ACVR1: variants seen among roughly 807,000 people sequenced by gnomAD.
ACVR1 encodes the protein activin A receptor type 1, also known as activin receptor type-1.
A neutral mutation model predicts 57.1 loss-of-function variants in ACVR1; 38 were observed. That is an observed-to-expected ratio of 0.67 (90% CI 0.51 to 0.87). ACVR1 has a LOEUF of 0.87. ACVR1 is among the 40% of genes least tolerant of loss of function. The pLI, the probability that ACVR1 is intolerant of heterozygous loss-of-function variation, is 0.00. For missense variants in ACVR1, 463 were observed against 638.2 expected (o/e 0.73, Z 2.96); for synonymous variants, 212 against 228.1 (o/e 0.93, Z 0.63).
chr2:157,784,309 C>T (rs941720824), intron 3 of ACVR1, among the ~76,000 whole-genome samples: 2 of 152,106 alleles, frequency 1.3e-5, no homozygotes, highest in South Asian at 4.2e-4. Context: ...CAAGGAACAC[C>T]AAGGAACAGA....
At chr2:157,804,853 T>C (rs1687460932) in intron 2 of ACVR1, among the ~76,000 whole-genome samples, 1 of 152,226 alleles carries the variant, frequency 6.6e-6, no homozygotes, top group Non-Finnish European at 1.5e-5. Flanking sequence ...CCCATGTTAC[T>C]TTTCAAATTC....
At chr2:157,762,264 T>A (rs1001650736) in intron 8 of ACVR1, among the ~76,000 whole-genome samples, 2 of 152,258 alleles carry the variant, frequency 1.3e-5, no homozygotes, top group African/African-American at 4.8e-5. Flanking sequence ...AGAGATACCA[T>A]ATTCACATAA....
At chr2:157,827,676 T>A (rs1398416474) in intron 1 of ACVR1, among the ~76,000 whole-genome samples, 1 of 152,196 alleles carries the variant, frequency 6.6e-6, no homozygotes, top group Non-Finnish European at 1.5e-5. Flanking sequence ...GTCAAGAATT[T>A]AGGCAACTCT....
In ACVR1 at chr2:157,867,306, C is replaced by A. The variant is rs528412548; in HGVS notation, c.-183+8490G>T. Among the ~76,000 whole-genome samples the A allele has an allele frequency of 7.9e-5, 12 of 152,362 alleles. No individual in the cohort carries two copies. The South Asian group carries it at 2.5e-3, about 32-fold the overall frequency. On this transcript the variant is annotated intron_variant, in intron 1 of 10. Coordinates refer to ENST00000434821, the MANE Select transcript of ACVR1 (RefSeq NM_001111067.4). ...ATCTATTCTCATTTCCTCCTGGCTT[C>A]TGGGCATCCCACTCCACTAGACCAA... is the stretch of plus-strand genomic sequence containing the variant.
intron 3 of ACVR1, among the ~76,000 whole-genome samples, chr2:157,781,770 T>A (rs1454803014): frequency 6.6e-6 from 1 of 152,228 alleles, no homozygotes; most frequent in Non-Finnish European, 1.5e-5. Context: ...TCTCTTCCCT[T>A]GTCAGTATGA....
chr2:157,826,070 A>G (rs1688337149), intron 1 of ACVR1, among the ~76,000 whole-genome samples: 1 of 152,224 alleles, frequency 6.6e-6, no homozygotes, highest in Non-Finnish European at 1.5e-5. Context: ...ATACTCACAC[A>G]TAAGACTATA....
intron 2 of ACVR1, among the ~76,000 whole-genome samples, chr2:157,805,820 CT>C (rs1222482675): frequency 7.3e-4 from 22 of 30,182 alleles, no homozygotes; most frequent in Non-Finnish European, 1.3e-3. Context: ...TTTCTTTTTT[CT>C]TTTTTTTTTT....
Position 157,773,495 on chromosome 2 carries a change from G to A in ACVR1, c.643+593C>T, listed in dbSNP as rs189480512. Among the ~76,000 whole-genome samples the A allele has an allele frequency of 9.2e-5, 14 of 152,242 alleles. No individual in the cohort carries two copies. The East Asian group carries it at 2.3e-3, about 25-fold the overall frequency. On this transcript the variant is annotated intron_variant, in intron 6 of 10. Coordinates refer to ENST00000434821, the MANE Select transcript of ACVR1 (RefSeq NM_001111067.4). ...TGTGATGTGTACAAACACATGAAAT[G>A]TTTATGAGCTTAAAACTGAAAAAAG... is the stretch of plus-strand genomic sequence containing the variant.
intron 9 of ACVR1, among the ~76,000 whole-genome samples, chr2:157,746,633 C>G (rs1684976263): frequency 6.6e-6 from 1 of 152,258 alleles, no homozygotes; most frequent in African/African-American, 2.4e-5. Context: ...CTCGGCATCA[C>G]ATTTTCTTAC....
chr2:157,823,276 A>T (rs1298200265), intron 1 of ACVR1, among the ~76,000 whole-genome samples: 1 of 152,180 alleles, frequency 6.6e-6, no homozygotes, highest in Non-Finnish European at 1.5e-5. Context: ...TCACAGGAGG[A>T]TTATAACACT....
intron 3 of ACVR1, among the ~76,000 whole-genome samples, chr2:157,798,000 C>T (rs996629514): frequency 9.2e-5 from 14 of 152,208 alleles, no homozygotes; most frequent in Admixed American, 2.0e-4. Context: ...GCACCTTGAA[C>T]TTAGACTTCC....
chr2:157,846,755 T>C (rs1426987168), intron 1 of ACVR1, among the ~76,000 whole-genome samples: 1 of 152,208 alleles, frequency 6.6e-6, no homozygotes, highest in Admixed American at 6.5e-5. Flanking sequence ...AGCTGTATAC[T>C]TTAGATTTGT....
At chr2:157,771,433 T>C (rs1219422449) in intron 6 of ACVR1, among the ~76,000 whole-genome samples, 1 of 151,996 alleles carries the variant, frequency 6.6e-6, no homozygotes, top group Non-Finnish European at 1.5e-5. Context: ...TAGGTAGGGG[T>C]GATCAGGGAG....
At chr2:157,757,027 T>TATATATATATTTG (rs1374864957) in intron 9 of ACVR1, among the ~76,000 whole-genome samples, 1 of 125,850 alleles carries the variant, frequency 7.9e-6, no homozygotes, top group African/African-American at 3.7e-5. Flanking sequence ...ATTTGATATA[T>TATATATATATTTG]ATATATATAT....
intron 2 of ACVR1, among the ~76,000 whole-genome samples, chr2:157,799,936 C>G (rs1365918939): frequency 1.3e-5 from 2 of 152,074 alleles, no homozygotes; most frequent in Non-Finnish European, 2.9e-5. Context: ...TAATTCAAGC[C>G]AAATTACTAT....
At chr2:157,823,846 A>C (rs1483505434) in intron 1 of ACVR1, among the ~76,000 whole-genome samples, 1 of 152,182 alleles carries the variant, frequency 6.6e-6, no homozygotes, top group Non-Finnish European at 1.5e-5. Context: ...AAAGTAAGGG[A>C]ATCAAGGAGA....
chr2:157,773,835 C>T (rs899215629), intron 6 of ACVR1, among the ~76,000 whole-genome samples: 3 of 152,086 alleles, frequency 2.0e-5, no homozygotes, highest in Non-Finnish European at 2.9e-5. Context: ...TCTCATCATC[C>T]CAAAGGGTCC....
intron 3 of ACVR1, among the ~76,000 whole-genome samples, chr2:157,784,371 C>G (rs1035024582): frequency 6.6e-6 from 1 of 152,214 alleles, no homozygotes; most frequent in African/African-American, 2.4e-5. Flanking sequence ...AGCACCGTAT[C>G]TGATGTAAAG....
intron 3 of ACVR1, chr2:157,790,279 G>C (rs192189254): frequency 6.6e-6 from 1 of 152,202 alleles, no homozygotes; most frequent in Non-Finnish European, 1.5e-5. Context: ...TTTTGGTTCC[G>C]TTTCGAACTC....
Sources: allele counts gnomAD v4.1 joint callset (sites outside exome capture counted in the v4.1 genomes callset), GRCh38; gene constraint gnomAD v4.1.1; transcripts MANE v1.5; gene names NCBI Gene and HGNC (gene_info 2026-07-23, HGNC 2026-07-21).